MBNL1: variants seen among roughly 807,000 people sequenced by gnomAD.
MBNL1 encodes the protein muscleblind-like protein 1.
In MBNL1, 8 loss-of-function variants were observed where a neutral mutation model predicts 42.2. The observed-to-expected ratio is 0.19, with a 90% CI of 0.11 to 0.34. The LOEUF (loss-of-function observed/expected upper bound fraction) is 0.34. MBNL1 is among the 10% of genes least tolerant of loss of function. The probability of loss-of-function intolerance (pLI) is 1.00; values close to 1 mark genes in which losing one functional copy is unlikely to be tolerated. For missense variants in MBNL1, 309 were observed against 495.3 expected (o/e 0.62, Z 3.57); for synonymous variants, 169 against 173.9 (o/e 0.97, Z 0.22).
intron 1 of MBNL1, among the ~76,000 whole-genome samples, chr3:152,280,797 A>T (rs2047988397): frequency 6.6e-6 from 1 of 152,128 alleles, no homozygotes; most frequent in Non-Finnish European, 1.5e-5. Flanking sequence ...ATAAGACCCC[A>T]TTCAGCTGTG....
At chr3:152,328,065 C>A (rs1213920393) in intron 2 of MBNL1, among the ~76,000 whole-genome samples, 1 of 151,986 alleles carries the variant, frequency 6.6e-6, no homozygotes, top group Non-Finnish European at 1.5e-5. Context: ...TTAATGTAAG[C>A]CAACATTTGA....
At chr3:152,364,499 G>A (rs2096234993) in intron 2 of MBNL1, among the ~76,000 whole-genome samples, 1 of 152,028 alleles carries the variant, frequency 6.6e-6, no homozygotes. Flanking sequence ...TGGTGTGGGA[G>A]TTGAAACATA....
intron 1 of MBNL1, among the ~76,000 whole-genome samples, chr3:152,295,273 A>G (rs1467909301): frequency 6.6e-6 from 1 of 152,224 alleles, no homozygotes; most frequent in Non-Finnish European, 1.5e-5. Flanking sequence ...TAATCAAAGT[A>G]TATTTTGTAC....
intron 2 of MBNL1, among the ~76,000 whole-genome samples, chr3:152,248,873 T>C (rs947785622): frequency 4.6e-5 from 7 of 151,812 alleles, no homozygotes; most frequent in Admixed American, 4.6e-4. Context: ...CAGTGTTTGG[T>C]TTTTTGTTCT....
At chr3:152,448,240 A>C (rs1325770069) in intron 6 of MBNL1, among the ~76,000 whole-genome samples, 1 of 152,166 alleles carries the variant, frequency 6.6e-6, no homozygotes, top group Non-Finnish European at 1.5e-5. Flanking sequence ...TAGAGCTCTT[A>C]AAAAGGGCTC....
chr3:152,404,648 CTAACTT>C (rs2098371984), intron 2 of MBNL1, among the ~76,000 whole-genome samples: 1 of 149,938 alleles, frequency 6.7e-6, no homozygotes, highest in South Asian at 2.1e-4. Flanking sequence ...ATATTACTGT[CTAACTT>C]TATATCTTTA....
chr3:152,336,080 C>T (rs1368560676), intron 2 of MBNL1, among the ~76,000 whole-genome samples: 1 of 152,006 alleles, frequency 6.6e-6, no homozygotes, highest in East Asian at 1.9e-4. Context: ...AAATTTTTCC[C>T]CTTGCGATGC....
intron 3 of MBNL1, among the ~76,000 whole-genome samples, chr3:152,419,602 G>C (rs556805617): frequency 4.7e-4 from 72 of 152,304 alleles, no homozygotes; most frequent in African/African-American, 1.6e-3. Context: ...ATTCCCTTGG[G>C]TGCCTACACC....
chr3:152,318,678 C>T (rs914755528), intron 2 of MBNL1, among the ~76,000 whole-genome samples: 1 of 152,140 alleles, frequency 6.6e-6, no homozygotes, highest in Non-Finnish European at 1.5e-5. Flanking sequence ...TAGTGCTTAG[C>T]ATGAGCTTGA....
chr3:152,320,679 C>CTTTTTTTT (rs2075909336), intron 2 of MBNL1, among the ~76,000 whole-genome samples: 1 of 129,466 alleles, frequency 7.7e-6, no homozygotes, highest in Non-Finnish European at 1.8e-5. Context: ...TCAGTTTTTT[C>CTTTTTTTT]TTTCTTTTTT....
chr3:152,461,413 GT>G (rs959879091), intron 9 of MBNL1, among the ~76,000 whole-genome samples: 13 of 152,124 alleles, frequency 8.5e-5, no homozygotes, highest in Non-Finnish European at 1.6e-4. Flanking sequence ...AGAAGAAGAG[GT>G]TTTTTTGACA....
At chr3:152,274,007 A>C (rs573671496) in intron 1 of MBNL1, among the ~76,000 whole-genome samples, 1 of 152,200 alleles carries the variant, frequency 6.6e-6, no homozygotes, top group Admixed American at 6.5e-5. Flanking sequence ...TAAATATGAA[A>C]TCTAAATACC....
intron 2 of MBNL1, among the ~76,000 whole-genome samples, chr3:152,336,878 A>T (rs1380834174): frequency 6.6e-6 from 1 of 152,238 alleles, no homozygotes; most frequent in Non-Finnish European, 1.5e-5. Flanking sequence ...TTGGAATAGA[A>T]GAAATTAGAT....
intron 2 of MBNL1, among the ~76,000 whole-genome samples, chr3:152,257,796 T>TA (rs1197989180): frequency 1.3e-5 from 2 of 151,872 alleles, no homozygotes. Flanking sequence ...TCTGGCGGAG[T>TA]AAAAAAAAAT....
intron 3 of MBNL1, among the ~76,000 whole-genome samples, chr3:152,425,622 A>G (rs2153713348): frequency 6.6e-6 from 1 of 151,410 alleles, no homozygotes. Flanking sequence ...AAAAAAAAAA[A>G]GAAAGAAATG....
chr3:152,257,675 G>A (rs920661440), intron 2 of MBNL1, among the ~76,000 whole-genome samples: 54 of 152,160 alleles, frequency 3.5e-4, no homozygotes, highest in African/African-American at 1.3e-3. Context: ...ATTTTTCAGG[G>A]AGGTAGGAGT....
intron 3 of MBNL1, among the ~76,000 whole-genome samples, chr3:152,418,899 G>T (rs973244577): frequency 6.6e-6 from 1 of 151,828 alleles, no homozygotes; most frequent in Non-Finnish European, 1.5e-5. Flanking sequence ...TATAGTTTTT[G>T]TAGAGGCGGG....
chr3:152,408,020 GA>G (rs2098474684), intron 2 of MBNL1, among the ~76,000 whole-genome samples: 1 of 152,124 alleles, frequency 6.6e-6, no homozygotes, highest in Admixed American at 6.5e-5. Flanking sequence ...ATAGCAGTAG[GA>G]AAAATAGTGC....
chr3:152,451,243 A>G (rs1484523755), intron 6 of MBNL1, among the ~76,000 whole-genome samples: 1 of 152,190 alleles, frequency 6.6e-6, no homozygotes, highest in East Asian at 1.9e-4. Context: ...CGTATAGAGT[A>G]GTTTGCTGGC....
Sources: allele counts gnomAD v4.1 joint callset (sites outside exome capture counted in the v4.1 genomes callset), GRCh38; gene constraint gnomAD v4.1.1; transcripts MANE v1.5; gene names NCBI Gene and HGNC (gene_info 2026-07-23, HGNC 2026-07-21).